RIN2: variants seen among roughly 807,000 people sequenced by gnomAD.
RIN2 encodes RAB5 interacting protein 2.
RIN2 carries 36 observed loss-of-function variants against 78.0 expected under a neutral mutation model. The observed-to-expected ratio is 0.46, with a 90% CI of 0.35 to 0.61. RIN2 has a LOEUF of 0.61. Ranked by LOEUF, RIN2 falls within the 20% of genes least tolerant of loss-of-function variation. The pLI, the probability that RIN2 is intolerant of heterozygous loss-of-function variation, is 0.00. For missense variants in RIN2, 1,087 were observed against 1,159.7 expected (o/e 0.94, Z 0.91); for synonymous variants, 466 against 466.8 (o/e 1.00, Z 0.02).
intron 3 of RIN2, among the ~76,000 whole-genome samples, chr20:19,924,147 C>G (rs1439748607): frequency 1.9e-5 from 2 of 104,954 alleles, no homozygotes; most frequent in Admixed American, 1.9e-4. Context: ...CACCTTCATA[C>G]CCTACCTCTT....
chr20:19,830,130 A>G (rs2036208549), intron 2 of RIN2, among the ~76,000 whole-genome samples: 1 of 152,246 alleles, frequency 6.6e-6, no homozygotes, highest in Admixed American at 6.5e-5. Flanking sequence ...CATATTTTCC[A>G]AAGGAAGGGA....
At chr20:19,963,504 G>T (rs1192299731) in intron 6 of RIN2, among the ~76,000 whole-genome samples, 1 of 151,726 alleles carries the variant, frequency 6.6e-6, no homozygotes. Context: ...AGCTACTTGG[G>T]AGGCTTAGAC....
rs11362637 is a variant in RIN2 at position 19,886,612 on chromosome 20, C to CTT, written c.-36-2936_-36-2935dup. 3,704 of 519,670 alleles carry CTT rather than the reference C, an allele frequency of 7.1e-3. 19 individuals carry two copies. The highest frequency in any genetic ancestry group is 0.02 in the African/African-American group (740 of 37,884). The allele number at this position is 519,670 out of a possible 1,614,324, so 32.2% of individuals were successfully genotyped here. On this transcript the variant is annotated intron_variant, in intron 2 of 12. Coordinates refer to ENST00000255006, the MANE Select transcript of RIN2 (RefSeq NM_018993.4). ...GGGCTGCCTTCTTCTTCTTCTTCTT[C>CTT]TTTTTTTTTTTTTTTTTTTGCTAGC...
rs368211751 is a variant in RIN2, at chr20:19,889,691, G to A, written c.57+33G>A. ...GAAGCCTTGATTGGGATCTCAACTC[G>A]TCGGCTTGCTGCCTGAGCCTGGGAG... On this transcript the variant is annotated intron_variant, in intron 3 of 12. Coordinates refer to ENST00000255006, the MANE Select transcript of RIN2 (RefSeq NM_018993.4). 65 of 1,430,254 alleles carry A rather than the reference G, an allele frequency of 4.5e-5. 1 individual carries two copies. The highest frequency in any genetic ancestry group is 7.9e-5 in the East Asian group (3 of 37,880). 88.6% of individuals were successfully genotyped at this position (1,430,254 alleles called of 1,614,324 possible).
At chr20:19,935,015 T>C (rs1379666771) in intron 3 of RIN2, 84 bp from the exon 4 acceptor site, 7 of 950,362 alleles carry the variant, frequency 7.4e-6, no homozygotes, top group Non-Finnish European at 1.2e-5. Flanking sequence ...TCTGTTCCTA[T>C]TGAAAAGCCT....
At chr20:19,858,906 T>A (rs1246343336) in intron 2 of RIN2, among the ~76,000 whole-genome samples, 2 of 152,142 alleles carry the variant, frequency 1.3e-5, no homozygotes, top group African/African-American at 4.8e-5. Context: ...GGCAGGGGGC[T>A]CGGGACATGC....
At chr20:19,924,527 T>A (rs897019622) in intron 3 of RIN2, among the ~76,000 whole-genome samples, 4 of 1,524 alleles carry the variant, frequency 2.6e-3, no homozygotes, top group African/African-American at 0.038. Flanking sequence ...CCACCTTCGT[T>A]CCCGACCTCT....
intron 1 of RIN2, among the ~76,000 whole-genome samples, chr20:19,792,439 G>A (rs2034918604): frequency 6.6e-6 from 1 of 152,190 alleles, no homozygotes; most frequent in Non-Finnish European, 1.5e-5. Flanking sequence ...TCATGTGCCT[G>A]AAACAAAATG....
chr20:19,959,848 G>T (rs1354366533), intron 5 of RIN2, among the ~76,000 whole-genome samples: 1 of 152,184 alleles, frequency 6.6e-6, no homozygotes. Flanking sequence ...GGTGAATGGT[G>T]CCTCCTGGAG....
chr20:19,855,932 G>T (rs2037150707), intron 2 of RIN2, among the ~76,000 whole-genome samples: 2 of 152,106 alleles, frequency 1.3e-5, no homozygotes, highest in Admixed American at 1.3e-4. Flanking sequence ...AAATTAGCAG[G>T]GTATGGTGGC....
intron 4 of RIN2, among the ~76,000 whole-genome samples, chr20:19,955,492 A>G (rs2041496567): frequency 4.6e-5 from 7 of 152,120 alleles, no homozygotes; most frequent in Admixed American, 4.6e-4. Context: ...GCGCATGACC[A>G]CACCTGGCTA....
At chr20:19,813,448 G>A (rs12481300) in intron 2 of RIN2, among the ~76,000 whole-genome samples, 19,145 of 152,184 alleles carry the variant, frequency 0.13, 1,458 homozygotes, top group African/African-American at 0.21. Context: ...TACTATGTGA[G>A]GCTAGTGGGG....
intron 2 of RIN2, among the ~76,000 whole-genome samples, chr20:19,813,957 C>T (rs2035681941): frequency 6.6e-6 from 1 of 152,090 alleles, no homozygotes; most frequent in South Asian, 2.1e-4. Context: ...TTATAAAATG[C>T]CTTCCAGATG....
intron 1 of RIN2, among the ~76,000 whole-genome samples, chr20:19,784,239 C>A (rs2034600288): frequency 6.6e-6 from 1 of 152,138 alleles, no homozygotes; most frequent in South Asian, 2.1e-4. Flanking sequence ...AGGAAGTTTG[C>A]TTGTTTTGGT....
intron 2 of RIN2, among the ~76,000 whole-genome samples, chr20:19,847,580 A>G (rs191525374): frequency 1.3e-5 from 2 of 152,330 alleles, no homozygotes; most frequent in East Asian, 3.9e-4. Flanking sequence ...AATACATGGC[A>G]CTGTCCAGCA....
rs904197046 is a variant in RIN2, at chr20:19,920,258, T to A, written c.58-14841T>A. Among the ~76,000 whole-genome samples, 11 of 146,188 alleles carry A rather than the reference T, an allele frequency of 7.5e-5. No individual in the cohort carries two copies. The Middle Eastern group carries it at 0.011, about 142-fold the overall frequency. Reference sequence around the variant, plus strand: ...TTGCAGTGAGCTGAGATCGCGCCACTGCACTCCAGTCTGGGCGACAGAGCG... The same window carrying A: ...TTGCAGTGAGCTGAGATCGCGCCACAGCACTCCAGTCTGGGCGACAGAGCG... On this transcript the variant is annotated intron_variant, in intron 3 of 12. Coordinates refer to ENST00000255006, the MANE Select transcript of RIN2 (RefSeq NM_018993.4).
At chr20:19,886,309 G>T (rs2038187230) in intron 2 of RIN2, among the ~76,000 whole-genome samples, 1 of 152,236 alleles carries the variant, frequency 6.6e-6, no homozygotes, top group Admixed American at 6.5e-5. Flanking sequence ...AGGCAGTGCA[G>T]CCTGGAGCCC....
At chr20:19,845,248 C>G (rs1436765323) in intron 2 of RIN2, among the ~76,000 whole-genome samples, 1 of 152,174 alleles carries the variant, frequency 6.6e-6, no homozygotes, top group Admixed American at 6.5e-5. Context: ...GGTATATACC[C>G]AGTAATGGGA....
intron 7 of RIN2, among the ~76,000 whole-genome samples, chr20:19,968,147 T>C (rs1282275854): frequency 2.0e-5 from 3 of 152,154 alleles, no homozygotes; most frequent in African/African-American, 7.2e-5. Flanking sequence ...GTCTGTGTCG[T>C]CATCTGCTCC....
Sources: gnomAD v4.1 joint callset for allele counts (sites outside exome capture counted in the v4.1 genomes callset) on GRCh38, gnomAD v4.1.1 for gene constraint, MANE v1.5 for transcripts, NCBI Gene and HGNC (gene_info 2026-07-23, HGNC 2026-07-21) for gene names.